Variants in IL26 observed in about 807,000 individuals in gnomAD.
IL26 encodes the protein interleukin-26.
A neutral mutation model predicts 21.7 loss-of-function variants in IL26; 23 were observed. The ratio of observed to expected loss-of-function variants is 1.06; its 90% CI spans 0.76 to 1.50. The LOEUF (loss-of-function observed/expected upper bound fraction) is 1.50, where lower values mean the gene tolerates loss of function less well. IL26 is among the 40% of genes most tolerant of loss of function. The pLI, the probability that IL26 is intolerant of heterozygous loss-of-function variation, is 0.00. For synonymous variants in IL26, 63 were observed against 67.8 expected (o/e 0.93, Z 0.34); for missense variants, 204 against 196.0 (o/e 1.04, Z -0.24).
chr12:68,223,881 G>GTTTTTTTTTTTTTTTTTTTT (rs1565740567), intron 3 of IL26, among the ~76,000 whole-genome samples: 2 of 137,206 alleles, frequency 1.5e-5, no homozygotes, highest in Admixed American at 7.2e-5. Context: ...CTTAAATTTG[G>GTTTTTTTTTTTTTTTTTTTT]TGGTTTTTTT....
chr12:68,201,588 G>T lies in IL26; in HGVS notation c.*257C>A. ...CAGGTTACATACTTTAAATTAAGTT[G>T]ACACAATGTACTTGTGAATGACAAA... is the stretch of plus-strand genomic sequence containing the variant. On this transcript the variant is annotated 3_prime_UTR_variant, in exon 5 of 5. Transcript: ENST00000229134. 1.6e-5 allele frequency: 5 copies of T among 314,542 alleles called. No individual in the cohort carries two copies. The highest frequency in any genetic ancestry group is 6.9e-5 in the South Asian group (1 of 14,466). The allele number at this position is 314,542 out of a possible 1,614,324, so 19.5% of individuals were successfully genotyped here. A position where few individuals can be genotyped will look rare whatever the true frequency, so the allele number is the denominator to read the frequency against.
intron 3 of IL26, among the ~76,000 whole-genome samples, chr12:68,210,303 TA>T (rs958914477): frequency 2.1e-5 from 2 of 97,240 alleles, no homozygotes; most frequent in African/African-American, 7.0e-5. Context: ...GTATAATGTT[TA>T]AAAAATAGAC....
chr12:68,212,445 T>C (rs937244865), intron 3 of IL26, among the ~76,000 whole-genome samples: 2 of 152,144 alleles, frequency 1.3e-5, no homozygotes, highest in Non-Finnish European at 2.9e-5. Context: ...AGTATCTTGA[T>C]AGAAATTGCA....
At chr12:68,214,504 C>G (rs1384450134) in intron 3 of IL26, among the ~76,000 whole-genome samples, 1 of 152,128 alleles carries the variant, frequency 6.6e-6, no homozygotes, top group Non-Finnish European at 1.5e-5. Flanking sequence ...GCTTTATATA[C>G]TTGGGTGCTC....
rs144012438 is a variant in IL26, at chr12:68,212,909, T to C, written c.364-10826A>G. 4.7e-3 allele frequency among the ~76,000 whole-genome samples: 717 copies of C among 152,212 alleles called. 5 individuals carry two copies. The highest frequency in any genetic ancestry group is 6.4e-3 in the Non-Finnish European group (437 of 67,950). On this transcript the variant is annotated intron_variant, in intron 3 of 4. Transcript: ENST00000229134. ...CCTTCTCTTGATTATTTGCTGTGAC[T>C]AGGACTTTCAGTATTATGTTGAATA...
chr12:68,225,699 T>C lies in IL26; in HGVS notation c.58A>G (p.Ile20Val), dbSNP rs748157871. 2.8e-5 allele frequency: 45 copies of C among 1,613,954 alleles called. No homozygotes were observed. Among genetic ancestry groups the C allele is most frequent in the Non-Finnish European group, 3.6e-5 (42 of 1,179,974 alleles). ...AAGGAAGATTGCTTGTGCTTGGCAA[T>C]GGCAAGAGACAGAGTGACTAACAGC... ...GLLLVTLSLA[I>V]AKHKQSSFTK... Residue 20 changes from isoleucine to valine, a missense_variant, in exon 1 of 5, where the codon ATT (isoleucine) becomes GTT (valine). By Grantham distance (29) the Ile-to-Val change is conservative. Transcript: ENST00000229134.
intron 3 of IL26, among the ~76,000 whole-genome samples, chr12:68,211,832 C>T (rs933145333): frequency 1.3e-5 from 2 of 152,046 alleles, no homozygotes; most frequent in Non-Finnish European, 2.9e-5. Flanking sequence ...AGGTTGCCTT[C>T]TTACTTTGTC....
intron 3 of IL26, among the ~76,000 whole-genome samples, chr12:68,223,648 A>C (rs1003267416): frequency 2.6e-5 from 4 of 152,184 alleles, no homozygotes; most frequent in Non-Finnish European, 5.9e-5. Context: ...TTACACATGT[A>C]CTTTCTTCAT....
rs974673069 is a variant in IL26 at position 68,215,866 on chromosome 12, T to C, written c.363+9283A>G. 4.6e-5 allele frequency among the ~76,000 whole-genome samples: 7 copies of C among 151,694 alleles called. No homozygotes were observed. The South Asian group carries it at 1.0e-3, about 22-fold the overall frequency. ...TTTTTATTTTTATTTTTGTTTTTAG[T>C]AGAGACAGGGTTTCACTATGTTGGC... On this transcript the variant is annotated intron_variant, in intron 3 of 4. Coordinates refer to ENST00000229134, the MANE Select transcript of IL26 (RefSeq NM_018402.2).
chr12:68,224,735 G>C (rs1015953535), intron 3 of IL26, among the ~76,000 whole-genome samples: 1 of 143,610 alleles, frequency 7.0e-6, no homozygotes, highest in Non-Finnish European at 1.6e-5. Flanking sequence ...AAGGGAGGGA[G>C]GGAGGGAAGA....
chr12:68,223,190 G>T (rs3782555), intron 3 of IL26, among the ~76,000 whole-genome samples: 69,713 of 152,036 alleles, frequency 0.46, 16,978 homozygotes, highest in East Asian at 0.61. Context: ...GGCATAAACT[G>T]CACAGCTTGT....
intron 3 of IL26, among the ~76,000 whole-genome samples, chr12:68,216,555 T>C (rs1446778398): frequency 1.3e-5 from 2 of 152,216 alleles, no homozygotes; most frequent in African/African-American, 4.8e-5. Context: ...ACACAGGTTT[T>C]AGACTTTGCA....
At chr12:68,202,402 A>G (rs1214397858) in intron 3 of IL26, among the ~76,000 whole-genome samples, 2 of 152,214 alleles carry the variant, frequency 1.3e-5, no homozygotes, top group African/African-American at 4.8e-5. Context: ...GAAAAATGAC[A>G]TTTGTATTAG....
intron 3 of IL26, among the ~76,000 whole-genome samples, chr12:68,204,140 G>GTTTTTTTTTTTTTTTT (rs1565735764): frequency 9.2e-6 from 1 of 108,936 alleles, no homozygotes; most frequent in African/African-American, 3.4e-5. Flanking sequence ...AGGATTCAAA[G>GTTTTTTTTTTTTTTTT]ATTTTTTTTT....
chr12:68,203,112 C>T (rs963371422), intron 3 of IL26, among the ~76,000 whole-genome samples: 3 of 152,130 alleles, frequency 2.0e-5, no homozygotes, highest in East Asian at 3.8e-4. Context: ...ATATTACTTT[C>T]GAAATTAGGA....
intron 3 of IL26, among the ~76,000 whole-genome samples, chr12:68,205,889 T>C (rs1162031610): frequency 6.6e-6 from 1 of 152,214 alleles, no homozygotes; most frequent in African/African-American, 2.4e-5. Context: ...TTTTCTGGGA[T>C]TGCTTCTTCT....
intron 3 of IL26, among the ~76,000 whole-genome samples, chr12:68,214,136 T>C (rs1452634678): frequency 3.3e-5 from 5 of 152,198 alleles, no homozygotes; most frequent in Non-Finnish European, 1.5e-5. Flanking sequence ...GAGCATATTA[T>C]TTAATTTCCA....
At chr12:68,219,445 A>G (rs543238499) in intron 3 of IL26, among the ~76,000 whole-genome samples, 1 of 152,050 alleles carries the variant, frequency 6.6e-6, no homozygotes, top group South Asian at 2.1e-4. Flanking sequence ...TATAAAAGAA[A>G]AAATAAAAAG....
At chr12:68,206,955 A>T (rs1229592183) in intron 3 of IL26, among the ~76,000 whole-genome samples, 1 of 152,210 alleles carries the variant, frequency 6.6e-6, no homozygotes, top group Non-Finnish European at 1.5e-5. Flanking sequence ...TAAATTCTGC[A>T]GCTGTAGATC....
Sources: gnomAD v4.1 joint callset for allele counts (sites outside exome capture counted in the v4.1 genomes callset) on GRCh38, gnomAD v4.1.1 for gene constraint, MANE v1.5 for transcripts, NCBI Gene and HGNC (gene_info 2026-07-23, HGNC 2026-07-21) for gene names.